Variants in MTOR observed in about 807,000 individuals in gnomAD.
The protein encoded by MTOR is serine/threonine-protein kinase mTOR.
A neutral mutation model predicts 319.8 loss-of-function variants in MTOR; 70 were observed. The observed-to-expected ratio is 0.22, with a 90% CI of 0.18 to 0.27. MTOR has a LOEUF of 0.27. Ranked by LOEUF, MTOR falls within the 10% of genes least tolerant of loss-of-function variation. MTOR has a pLI of 1.00. For synonymous variants in MTOR, 1,183 were observed against 1,211.4 expected, an observed-to-expected ratio of 0.98 and a Z score of 0.49; for missense variants, 1,890 against 3,274.4, an observed-to-expected ratio of 0.58 and a Z score of 10.32.
intron 8 of MTOR, among the ~76,000 whole-genome samples, chr1:11,246,753 T>A (rs1482534309): frequency 6.6e-6 from 1 of 152,166 alleles, no homozygotes; most frequent in Non-Finnish European, 1.5e-5. Context: ...TGGGAAGAGA[T>A]GTTCAAGACT....
intron 1 of MTOR, among the ~76,000 whole-genome samples, chr1:11,262,241 G>T (rs1357506555): frequency 6.6e-6 from 1 of 152,260 alleles, no homozygotes; most frequent in Non-Finnish European, 1.5e-5. Flanking sequence ...AAGGGTCCAG[G>T]GGTCTCTTGG....
At chr1:11,168,211 C>CTTT (rs561757972) in intron 28 of MTOR, among the ~76,000 whole-genome samples, 1 of 142,374 alleles carries the variant, frequency 7.0e-6, no homozygotes, top group African/African-American at 2.6e-5. Flanking sequence ...CTCCTCTGAA[C>CTTT]TTTTTTTTTT....
Position 11,247,889 on chromosome 1 carries a change from G to A in MTOR, c.1046C>T (p.Pro349Leu), listed in dbSNP as rs775102755. 2 of 1,614,142 alleles carry A rather than the reference G, an allele frequency of 1.2e-6. No individual in the cohort carries two copies. The highest frequency in any genetic ancestry group is 3.3e-5 in the Admixed American group (2 of 60,014). ...HQGLMGFGTSPSPAKSTLVES... is the reference protein window; with the variant it reads ...HQGLMGFGTSLSPAKSTLVES... ...CACCAGGGTGGACTTAGCTGGACTG[G>A]GGGAGGTCCCAAATCCCATGAGGCC... The change falls in exon 7 of 58, where the codon CCC becomes CTC. Residue 349 changes from proline (P) to leucine (L), a missense_variant. By Grantham distance (98) the Pro-to-Leu change is moderately conservative. Transcript: ENST00000361445.
intron 28 of MTOR, among the ~76,000 whole-genome samples, chr1:11,196,619 C>T (rs988961701): frequency 1.3e-5 from 2 of 152,116 alleles, no homozygotes; most frequent in African/African-American, 4.8e-5. Context: ...CTTTAGGAGG[C>T]CGAGGCGGGT....
At chr1:11,189,289 C>A in intron 28 of MTOR, 1 of 296,936 alleles carries the variant, frequency 3.4e-6, no homozygotes, top group Non-Finnish European at 6.3e-6. Context: ...AAGCCTGGTG[C>A]AGCCATGGTA....
At chr1:11,124,423 A>G in intron 47 of MTOR, 75 bp downstream of exon 47, 17 of 1,549,310 alleles carry the variant, frequency 1.1e-5, no homozygotes, top group South Asian at 1.0e-4. Context: ...GATATAATAC[A>G]TGACTACACG....
intron 28 of MTOR, among the ~76,000 whole-genome samples, chr1:11,196,805 T>C (rs964039822): frequency 6.6e-6 from 1 of 151,186 alleles, no homozygotes; most frequent in Non-Finnish European, 1.5e-5. Context: ...TGAGCCAAGA[T>C]TGTGCCACTG....
Position 11,118,232 on chromosome 1 carries a change from T to G in MTOR, c.6934-1146A>C, listed in dbSNP as rs1234045733. Among the ~76,000 whole-genome samples, 704 of 106,062 alleles carry G rather than the reference T, an allele frequency of 6.6e-3. 6 individuals are homozygous for G. Among genetic ancestry groups the G allele is most frequent in the African/African-American group, 0.025 (564 of 22,826 alleles). 69.6% of individuals were successfully genotyped at this position (106,062 alleles called of 152,430 possible). A position where few individuals can be genotyped will look rare whatever the true frequency, so the allele number is the denominator to read the frequency against. ...CTTAAATTCCAAACTTAGTTAATTT[T>G]TTTTTTTTTTTTTTTTTTTTTTTGG... On this transcript the variant is annotated intron_variant, in intron 49 of 57. Coordinates refer to ENST00000361445, the MANE Select transcript of MTOR (RefSeq NM_004958.4).
At chr1:11,122,202 CT>C (rs1372218860) in intron 47 of MTOR, 76 bp from the exon 48 acceptor site, 6 of 1,521,742 alleles carry the variant, frequency 3.9e-6, no homozygotes, top group Non-Finnish European at 5.3e-6. Context: ...CACAGGCAGA[CT>C]GTTTTTTTTT....
At chr1:11,175,584 T>C (rs1644957179) in intron 28 of MTOR, among the ~76,000 whole-genome samples, 2 of 152,266 alleles carry the variant, frequency 1.3e-5, no homozygotes, top group South Asian at 4.1e-4. Context: ...GAAACCTTGT[T>C]CCCAAGGCAG....
At chr1:11,135,824 C>T (rs1387329682) in intron 36 of MTOR, among the ~76,000 whole-genome samples, 1 of 145,800 alleles carries the variant, frequency 6.9e-6, no homozygotes, top group African/African-American at 2.6e-5. Context: ...CAGAGTGAGA[C>T]TGTCTCAAAA....
At position 11,122,209 on chromosome 1, in the gene MTOR, T is replaced by G. The variant is rs1642567725; in HGVS notation, c.6663-83A>C. 3 of 1,520,462 alleles carry G rather than the reference T, an allele frequency of 2.0e-6. No homozygotes were observed. In the East Asian group the frequency reaches 6.9e-5, roughly 35 times the overall value. 94.2% of individuals were successfully genotyped at this position (1,520,462 alleles called of 1,614,324 possible). A position where few individuals can be genotyped will look rare whatever the true frequency, so the allele number is the denominator to read the frequency against. ...GCTCAGAACACAGGCAGACTGTTTT[T>G]TTTTTCTTTTTTGAGACAGAGTCTT... On this transcript the variant is annotated intron_variant, in intron 47 of 57. Transcript: ENST00000361445.
chr1:11,148,243 T>C (rs1360004780), intron 31 of MTOR, among the ~76,000 whole-genome samples: 1 of 152,030 alleles, frequency 6.6e-6, no homozygotes, highest in African/African-American at 2.4e-5. Context: ...AAAAGGCTAA[T>C]GATAATAGAG....
intron 29 of MTOR, among the ~76,000 whole-genome samples, chr1:11,159,713 A>T (rs1027501146): frequency 4.6e-5 from 7 of 152,158 alleles, no homozygotes; most frequent in Non-Finnish European, 1.0e-4. Context: ...CTAATTTACT[A>T]GCCCTTCTGT....
intron 25 of MTOR, among the ~76,000 whole-genome samples, chr1:11,206,926 T>A (rs912622952): frequency 1.3e-5 from 2 of 152,236 alleles, no homozygotes; most frequent in African/African-American, 4.8e-5. Flanking sequence ...GGTTTTTATG[T>A]TTTCTGTATC....
intron 32 of MTOR, among the ~76,000 whole-genome samples, chr1:11,146,372 C>T (rs7522700): frequency 1.3e-5 from 2 of 152,170 alleles, no homozygotes; most frequent in South Asian, 2.1e-4. Context: ...CTGAATCCTA[C>T]CTTTTGGTGA....
Position 11,186,369 on chromosome 1 carries a change from T to C in MTOR, c.4253+12889A>G, listed in dbSNP as rs146046582. 6.1e-3 allele frequency among the ~76,000 whole-genome samples: 922 copies of C among 152,280 alleles called. 11 individuals carry two copies. The highest frequency in any genetic ancestry group is 0.021 in the African/African-American group (869 of 41,570). ...CCTGCCCTGTGACCCTCAGACTACC[T>C]TGGTGCCAGCCCAAGGCAGTGCGGC... On this transcript the variant is annotated intron_variant, in intron 28 of 57. Coordinates refer to ENST00000361445, the MANE Select transcript of MTOR (RefSeq NM_004958.4).
intron 19 of MTOR, among the ~76,000 whole-genome samples, chr1:11,224,841 CAAT>C: frequency 6.6e-6 from 1 of 152,132 alleles, no homozygotes; most frequent in East Asian, 1.9e-4. Flanking sequence ...TATTTCTGGA[CAAT>C]AATGAAAATA....
rs1471906651 is a variant in MTOR, at chr1:11,133,097, C to T, written c.5347G>A (p.Asp1783Asn). 2.5e-6 allele frequency: 4 copies of T among 1,614,100 alleles called. No individual in the cohort carries two copies. Among genetic ancestry groups the T allele is most frequent in the East Asian group, 4.5e-5 (2 of 44,882 alleles). The change falls in exon 38 of 58, where the codon GAC becomes AAC. Residue 1783 changes from aspartate to asparagine, a missense_variant. Coordinates refer to ENST00000361445, the MANE Select transcript of MTOR (RefSeq NM_004958.4). The surrounding 1 kb of genome is among the most constrained non-coding windows in gnomAD (Gnocchi z 4.0). ...CTGATCACCTTGTACCAGCTGCGGT[C>T]GTGCTCTGTGGCGGCGCTGTAGTAC... ...LQYYSAATEH[D>N]RSWYKAWHAW...
Sources: gnomAD v4.1 joint callset for allele counts (sites outside exome capture counted in the v4.1 genomes callset) on GRCh38, gnomAD v4.1.1 for gene constraint, Gnocchi (gnomAD v3.1) non-coding constraint, MANE v1.5 for transcripts, NCBI Gene and HGNC (gene_info 2026-07-23, HGNC 2026-07-21) for gene names.